KALRN: variants seen among roughly 807,000 people sequenced by gnomAD.
The protein encoded by KALRN is kalirin RhoGEF kinase.
KALRN carries 70 observed loss-of-function variants against 353.7 expected under a neutral mutation model. That is an observed-to-expected ratio of 0.20 (90% CI 0.16 to 0.24). The LOEUF is 0.24. KALRN is among the 10% of genes least tolerant of loss of function. The pLI, the probability that KALRN is intolerant of heterozygous loss-of-function variation, is 1.00. For missense variants in KALRN, 2,791 were observed against 3,756.7 expected (o/e 0.74, Z 6.72); for synonymous variants, 1,391 against 1,434.8 (o/e 0.97, Z 0.69).
intron 3 of KALRN, among the ~76,000 whole-genome samples, chr3:124,243,697 G>A (rs1297335111): frequency 1.3e-5 from 2 of 152,146 alleles, no homozygotes; most frequent in Admixed American, 6.5e-5. Flanking sequence ...CAGGAAGAAT[G>A]AACCCCAGAA....
At chr3:124,373,550 C>T (rs2086164696) in intron 10 of KALRN, among the ~76,000 whole-genome samples, 2 of 152,188 alleles carry the variant, frequency 1.3e-5, no homozygotes, top group South Asian at 4.1e-4. Context: ...AGGGTTGTTC[C>T]TTCTGAGGGC....
intron 8 of KALRN, among the ~76,000 whole-genome samples, chr3:124,331,151 A>C (rs2149441299): frequency 6.6e-6 from 1 of 152,302 alleles, no homozygotes; most frequent in East Asian, 1.9e-4. Flanking sequence ...GATAGTGTTG[A>C]GGTTATAAAG....
At chr3:124,678,563 T>C (rs2087465393) in intron 50 of KALRN, 4 of 263,130 alleles carry the variant, frequency 1.5e-5, no homozygotes, top group South Asian at 6.8e-5. Context: ...TGTGCAGATG[T>C]TTTACAGCAA....
chr3:124,179,437 A>G (rs1325333514), intron 1 of KALRN, among the ~76,000 whole-genome samples: 1 of 152,244 alleles, frequency 6.6e-6, no homozygotes, highest in Non-Finnish European at 1.5e-5. Context: ...GTTGTCTCCT[A>G]TGGTAACAAT....
At chr3:124,078,081 T>C (rs572271106) in intron 1 of KALRN, among the ~76,000 whole-genome samples, 1 of 152,358 alleles carries the variant, frequency 6.6e-6, no homozygotes, top group African/African-American at 2.4e-5. Flanking sequence ...GTATTACCTG[T>C]CCCATAGGCT....
chr3:124,097,234 G>C (rs924413725), intron 1 of KALRN, among the ~76,000 whole-genome samples: 1 of 152,226 alleles, frequency 6.6e-6, no homozygotes, highest in African/African-American at 2.4e-5. Context: ...TGGCATGTTA[G>C]GCTGAGCTAG....
intron 14 of KALRN, among the ~76,000 whole-genome samples, chr3:124,422,424 CTTTTGGTTTGGT>C (rs1292354575): frequency 6.6e-6 from 1 of 151,960 alleles, no homozygotes; most frequent in East Asian, 1.9e-4. Context: ...CTGAGACAGT[CTTTTGGTTTGGT>C]TTTTGATTTT....
At chr3:124,460,803 C>T (rs1168830739) in intron 23 of KALRN, among the ~76,000 whole-genome samples, 1 of 152,178 alleles carries the variant, frequency 6.6e-6, no homozygotes, top group Non-Finnish European at 1.5e-5. Flanking sequence ...ATAGAATATA[C>T]CACAACGAGG....
chr3:124,430,573 A>G, intron 15 of KALRN, 83 bp from the exon 16 acceptor site: 3 of 1,529,988 alleles, frequency 2.0e-6, no homozygotes, highest in Non-Finnish European at 1.8e-6. Context: ...GAGCTCTCCA[A>G]CTGAAGTCCC....
intron 1 of KALRN, among the ~76,000 whole-genome samples, chr3:124,144,635 ATCCTCCTCCTCTTCCTCATCCTCT>A (rs1296024598): frequency 2.6e-4 from 31 of 120,494 alleles, no homozygotes; most frequent in African/African-American, 9.2e-4. Context: ...CCTCTTCCTC[ATCCTCCTCCTCTTCCTCATCCTCT>A]TCCTCTTCCT....
chr3:124,609,435 C>T (rs1028355036), intron 34 of KALRN, among the ~76,000 whole-genome samples: 26 of 152,202 alleles, frequency 1.7e-4, no homozygotes, highest in Non-Finnish European at 3.4e-4. Flanking sequence ...TGTCATGCAA[C>T]TCATGTGTTC....
chr3:124,206,578 T>C (rs879471071), intron 1 of KALRN, among the ~76,000 whole-genome samples: 14 of 152,186 alleles, frequency 9.2e-5, no homozygotes, highest in Admixed American at 9.2e-4. Context: ...CAGAGACGAC[T>C]TCTTGTGCTT....
intron 49 of KALRN, among the ~76,000 whole-genome samples, chr3:124,675,882 T>G (rs2087133744): frequency 6.6e-6 from 1 of 152,200 alleles, no homozygotes; most frequent in Non-Finnish European, 1.5e-5. Flanking sequence ...ATAACTGCAC[T>G]GCTTTGGCCC....
intron 15 of KALRN, among the ~76,000 whole-genome samples, chr3:124,425,074 G>T (rs1342128425): frequency 2.6e-5 from 4 of 152,156 alleles, no homozygotes; most frequent in Admixed American, 6.5e-5. Context: ...AACTAAAAAG[G>T]TTGATCTCAT....
intron 1 of KALRN, among the ~76,000 whole-genome samples, chr3:124,069,318 AGG>A (rs1174019120): frequency 1.4e-4 from 1 of 7,284 alleles, no homozygotes; most frequent in African/African-American, 4.6e-4. Flanking sequence ...ACCTAGGAGG[AGG>A]AGGAGGAGGA....
chr3:124,458,313 CTGTT>C (rs1159179571), intron 23 of KALRN, among the ~76,000 whole-genome samples: 4 of 144,096 alleles, frequency 2.8e-5, no homozygotes, highest in African/African-American at 1.0e-4. Flanking sequence ...GCTCTCCTTT[CTGTT>C]TGTTATTTTC....
chr3:124,443,221 T>G (rs1365325830), intron 19 of KALRN, among the ~76,000 whole-genome samples: 4 of 152,256 alleles, frequency 2.6e-5, no homozygotes, highest in Admixed American at 6.5e-5. Flanking sequence ...GTGGAATTAT[T>G]CTGACCATGC....
At chr3:124,344,262 C>T (rs1222543614) in intron 9 of KALRN, among the ~76,000 whole-genome samples, 4 of 152,180 alleles carry the variant, frequency 2.6e-5, no homozygotes, top group Non-Finnish European at 4.4e-5. Context: ...TAATGGAATG[C>T]ACTAGAAACT....
At chr3:124,471,298 ATTT>A (rs1337759929) in intron 25 of KALRN, among the ~76,000 whole-genome samples, 2 of 131,572 alleles carry the variant, frequency 1.5e-5, no homozygotes, top group African/African-American at 5.9e-5. Flanking sequence ...TATTATTATT[ATTT>A]GAGATGGAGT....
Sources: allele counts gnomAD v4.1 joint callset (sites outside exome capture counted in the v4.1 genomes callset), GRCh38; gene constraint gnomAD v4.1.1; transcripts MANE v1.5; gene names NCBI Gene and HGNC (gene_info 2026-07-23, HGNC 2026-07-21).